Variants in DDX10 observed in about 807,000 individuals in gnomAD.
DDX10 encodes probable ATP-dependent RNA helicase DDX10.
Under a neutral mutation model 104.3 loss-of-function variants are expected in DDX10, and 74 were observed. The observed-to-expected ratio is 0.71, with a 90% CI of 0.59 to 0.86. DDX10 has a LOEUF of 0.86. DDX10 is among the 40% of genes least tolerant of loss of function. DDX10 has a pLI of 0.00. For missense variants in DDX10, 952 were observed against 1,040.0 expected, an observed-to-expected ratio of 0.92 and a Z score of 1.16; for synonymous variants, 351 against 353.4, an observed-to-expected ratio of 0.99 and a Z score of 0.08.
chr11:108,838,600 A>G (rs1565294426), intron 14 of DDX10, 35 bp downstream of exon 14: 8 of 1,585,770 alleles, frequency 5.0e-6, no homozygotes, highest in Non-Finnish European at 6.9e-6. Flanking sequence ...TCTGAGGTGC[A>G]TTTGGAGTAT....
At chr11:108,755,089 A>C (rs1381172854) in intron 13 of DDX10, among the ~76,000 whole-genome samples, 3 of 152,020 alleles carry the variant, frequency 2.0e-5, no homozygotes, top group Non-Finnish European at 4.4e-5. Context: ...ATTATGGTAC[A>C]AACTGCTGTG....
At chr11:108,875,964 G>A (rs1402924734) in intron 16 of DDX10, among the ~76,000 whole-genome samples, 1 of 152,152 alleles carries the variant, frequency 6.6e-6, no homozygotes, top group Admixed American at 6.5e-5. Flanking sequence ...ATGTACACTA[G>A]AGCATGTGAT....
At chr11:108,772,099 G>A (rs2094363962) in intron 13 of DDX10, among the ~76,000 whole-genome samples, 1 of 152,176 alleles carries the variant, frequency 6.6e-6, no homozygotes, top group Non-Finnish European at 1.5e-5. Flanking sequence ...TTTCCTCAAG[G>A]TAACTATTAA....
chr11:108,714,499 A>G (rs573999342), intron 10 of DDX10, among the ~76,000 whole-genome samples: 29 of 150,480 alleles, frequency 1.9e-4, no homozygotes, highest in Admixed American at 1.2e-3. Context: ...AGCTCCATCC[A>G]TAGGGAACTG....
At chr11:108,834,789 G>A (rs370709219) in intron 13 of DDX10, among the ~76,000 whole-genome samples, 24 of 150,376 alleles carry the variant, frequency 1.6e-4, no homozygotes, top group Admixed American at 3.3e-4. Flanking sequence ...TTAGCCGGGC[G>A]TGGTGGCGGG....
intron 13 of DDX10, among the ~76,000 whole-genome samples, chr11:108,817,121 G>A (rs187351522): frequency 3.7e-4 from 56 of 152,280 alleles, no homozygotes; most frequent in African/African-American, 1.3e-3. Flanking sequence ...TATAGTAGTT[G>A]TTTCACTTAA....
At chr11:108,853,536 C>T (rs569236459) in intron 16 of DDX10, among the ~76,000 whole-genome samples, 1 of 151,134 alleles carries the variant, frequency 6.6e-6, no homozygotes, top group Non-Finnish European at 1.5e-5. Flanking sequence ...GGTGTATGCT[C>T]GATTTTTTTT....
intron 17 of DDX10, among the ~76,000 whole-genome samples, chr11:108,929,880 A>G (rs1863954859): frequency 6.6e-6 from 1 of 152,218 alleles, no homozygotes; most frequent in African/African-American, 2.4e-5. Context: ...TAGTTTTTAC[A>G]GTAAACATGG....
At chr11:108,734,948 C>T (rs903809197) in intron 13 of DDX10, among the ~76,000 whole-genome samples, 3 of 152,182 alleles carry the variant, frequency 2.0e-5, no homozygotes, top group Admixed American at 6.6e-5. Flanking sequence ...CATAAGACCA[C>T]TTTTTAAGTC....
intron 13 of DDX10, among the ~76,000 whole-genome samples, chr11:108,803,412 G>A (rs890801139): frequency 2.0e-5 from 3 of 151,768 alleles, no homozygotes; most frequent in Admixed American, 6.6e-5. Context: ...TGACCAACAC[G>A]GAGAAACCCC....
rs74497623 is a variant in DDX10, at chr11:108,704,803, C to T, written c.1224-1936C>T. ...AGTAGTAAATTGTATGTTCAGCCTC[C>T]CTCTGTCCCCTGTCTGTTGACTAGA... is the stretch of plus-strand genomic sequence containing the variant. On this transcript the variant is annotated intron_variant, in intron 9 of 17. Coordinates refer to ENST00000322536, the MANE Select transcript of DDX10 (RefSeq NM_004398.4). 9.0e-3 allele frequency among the ~76,000 whole-genome samples: 1,365 copies of T among 152,266 alleles called. 16 individuals carry two copies. Among genetic ancestry groups the T allele is most frequent in the African/African-American group, 0.031 (1,275 of 41,550 alleles).
intron 16 of DDX10, among the ~76,000 whole-genome samples, chr11:108,854,474 G>A (rs1157003655): frequency 6.6e-6 from 1 of 152,180 alleles, no homozygotes; most frequent in East Asian, 1.9e-4. Context: ...TCAGATTCCA[G>A]GTAGAGCTTC....
chr11:108,892,852 T>A (rs1035618809), intron 16 of DDX10, among the ~76,000 whole-genome samples: 8 of 152,124 alleles, frequency 5.3e-5, no homozygotes, highest in African/African-American at 1.9e-4. Context: ...CAAGTTTCCT[T>A]AGCATGTGTA....
intron 16 of DDX10, among the ~76,000 whole-genome samples, chr11:108,864,625 TTTTG>T (rs1862984341): frequency 1.3e-5 from 2 of 151,774 alleles, no homozygotes; most frequent in South Asian, 4.2e-4. Context: ...ACCTGGATAA[TTTTG>T]TTTATTTTTT....
intron 13 of DDX10, among the ~76,000 whole-genome samples, chr11:108,737,288 A>G (rs74698668): frequency 0.014 from 2,196 of 152,330 alleles, 22 homozygotes; most frequent in Non-Finnish European, 0.019. Context: ...GTTTATCTCT[A>G]TTAAGCAGGT....
At chr11:108,834,155 G>A (rs550147228) in intron 13 of DDX10, among the ~76,000 whole-genome samples, 7 of 148,064 alleles carry the variant, frequency 4.7e-5, no homozygotes, top group Non-Finnish European at 8.9e-5. Context: ...TTTTAGTAGA[G>A]ACTGAGTGTC....
At chr11:108,913,236 C>T (rs7935553) in intron 16 of DDX10, among the ~76,000 whole-genome samples, 368 of 152,140 alleles carry the variant, frequency 2.4e-3, no homozygotes, top group African/African-American at 8.2e-3. Context: ...CAATCAGTAT[C>T]TGTAAGATGT....
chr11:108,724,785 A>G (rs557944341), intron 13 of DDX10, among the ~76,000 whole-genome samples: 1 of 152,240 alleles, frequency 6.6e-6, no homozygotes, highest in East Asian at 1.9e-4. Context: ...GTGTCTAAGT[A>G]CTAATAGCTC....
At chr11:108,785,206 C>A (rs961404701) in intron 13 of DDX10, among the ~76,000 whole-genome samples, 1 of 152,120 alleles carries the variant, frequency 6.6e-6, no homozygotes, top group Admixed American at 6.6e-5. Context: ...GCTTTTGATT[C>A]TGTTTACATG....
Sources: gnomAD v4.1 joint callset for allele counts (sites outside exome capture counted in the v4.1 genomes callset) on GRCh38, gnomAD v4.1.1 for gene constraint, MANE v1.5 for transcripts, NCBI Gene and HGNC (gene_info 2026-07-23, HGNC 2026-07-21) for gene names.